Variants in MGAT4A observed in about 807,000 individuals in gnomAD.
MGAT4A encodes alpha-1,3-mannosyl-glycoprotein 4-beta-N-acetylglucosaminyltransferase A.
In MGAT4A, 33 loss-of-function variants were observed where a neutral mutation model predicts 74.1. The ratio of observed to expected loss-of-function variants is 0.45; its 90% CI spans 0.34 to 0.60. The LOEUF is 0.60. Among genes scored for constraint, MGAT4A ranks in the 20% least tolerant of loss-of-function variants. The probability of loss-of-function intolerance (pLI) is 0.02; values close to 1 mark genes in which losing one functional copy is unlikely to be tolerated. For synonymous variants in MGAT4A, 198 were observed against 210.4 expected (o/e 0.94, Z 0.51); for missense variants, 479 against 628.3 (o/e 0.76, Z 2.54).
At chr2:98,636,453 A>G in intron 13 of MGAT4A, 64 bp downstream of exon 13, 1 of 1,213,210 alleles carries the variant, frequency 8.2e-7, no homozygotes, top group Non-Finnish European at 1.2e-6. Flanking sequence ...AAACAAGAAA[A>G]GCTTCAAGCT....
At chr2:98,632,413 C>A (rs539105536) in intron 14 of MGAT4A, among the ~76,000 whole-genome samples, 1 of 152,224 alleles carries the variant, frequency 6.6e-6, no homozygotes, top group Non-Finnish European at 1.5e-5. Flanking sequence ...AGCTTGTTTG[C>A]ACGCCAAGAG....
chr2:98,681,829 CT>C (rs1702064513), intron 2 of MGAT4A, among the ~76,000 whole-genome samples: 1 of 152,038 alleles, frequency 6.6e-6, no homozygotes, highest in Non-Finnish European at 1.5e-5. Flanking sequence ...AGAGAAATAA[CT>C]TTAAGATAAA....
chr2:98,625,862 G>A, intron 14 of MGAT4A, 27 bp from the exon 15 acceptor site: 1 of 1,504,916 alleles, frequency 6.6e-7, no homozygotes, highest in African/African-American at 1.4e-5. Context: ...AATACTTGTT[G>A]GATACACCGA....
intron 14 of MGAT4A, among the ~76,000 whole-genome samples, chr2:98,631,554 C>T (rs1240454912): frequency 6.6e-6 from 1 of 152,258 alleles, no homozygotes; most frequent in Non-Finnish European, 1.5e-5. Context: ...GGGAAGGAAG[C>T]ACACGGGCGG....
At chr2:98,710,506 C>CTGGA (rs1439734079) in intron 2 of MGAT4A, among the ~76,000 whole-genome samples, 1 of 152,154 alleles carries the variant, frequency 6.6e-6, no homozygotes, top group Non-Finnish European at 1.5e-5. Flanking sequence ...ATCACCTAGG[C>CTGGA]TGGAGTGCAG....
At chr2:98,629,514 A>G (rs1701196243) in intron 14 of MGAT4A, among the ~76,000 whole-genome samples, 1 of 152,204 alleles carries the variant, frequency 6.6e-6, no homozygotes, top group Admixed American at 6.5e-5. Flanking sequence ...GTGACATTGA[A>G]TACTGTCACC....
In MGAT4A at chr2:98,731,111, TGCC is replaced by T. The variant is rs1231399189; in HGVS notation, c.-302_-300del. 1 of 68,060 alleles carries T rather than the reference TGCC, an allele frequency of 1.5e-5. No individual in the cohort carries two copies. The highest frequency in any genetic ancestry group is 4.8e-4 in the South Asian group (1 of 2,074). 4.2% of individuals were successfully genotyped at this position (68,060 alleles called of 1,614,324 possible). A position where few individuals can be genotyped will look rare whatever the true frequency, so the allele number is the denominator to read the frequency against. On this transcript the variant is annotated 5_prime_UTR_variant, in exon 1 of 16. Coordinates refer to ENST00000393487, the MANE Select transcript of MGAT4A (RefSeq NM_012214.3). This position sits in a 1 kb window ranked among gnomAD's most constrained non-coding sequence, Gnocchi z 4.8. Reference sequence around the variant, plus strand: ...GAGCTGCTGTAGCCGCCGCCGCCGCTGCCGCCGCCGCTGCGGGCCGCCCCGCCC... The same window carrying T: ...GAGCTGCTGTAGCCGCCGCCGCCGCTGCCGCCGCTGCGGGCCGCCCCGCCC...
intron 4 of MGAT4A, among the ~76,000 whole-genome samples, chr2:98,666,167 G>A (rs1701827106): frequency 6.6e-6 from 1 of 152,190 alleles, no homozygotes; most frequent in Non-Finnish European, 1.5e-5. Context: ...TGTTTGAAGA[G>A]GTGGAGATGA....
rs763038000 is a variant in MGAT4A at position 98,625,475 on chromosome 2, T to TC, written c.*90_*91insG. The stretch of plus-strand genomic sequence containing the variant: ...TATCTACAGTAGACTTCACAAGAGG[T>TC]AGTGTTCAAGTAGAAATAAAAAAAA... On this transcript the variant is annotated 3_prime_UTR_variant, in exon 16 of 16. Coordinates refer to ENST00000393487, the MANE Select transcript of MGAT4A (RefSeq NM_012214.3). 3.8e-5 allele frequency: 59 copies of TC among 1,565,406 alleles called. No individual in the cohort carries two copies. Among genetic ancestry groups the TC allele is most frequent in the Non-Finnish European group, 4.6e-5 (54 of 1,161,666 alleles).
chr2:98,703,134 G>A (rs945657417), intron 2 of MGAT4A, among the ~76,000 whole-genome samples: 3 of 152,148 alleles, frequency 2.0e-5, no homozygotes, highest in Admixed American at 6.5e-5. Context: ...AAGAACTAAT[G>A]AAGCCAAGTT....
intron 4 of MGAT4A, among the ~76,000 whole-genome samples, chr2:98,665,634 G>A (rs1162039177): frequency 3.3e-5 from 5 of 152,238 alleles, no homozygotes; most frequent in Non-Finnish European, 7.3e-5. Flanking sequence ...ACATAGGTAA[G>A]GTCCCTGCCC....
chr2:98,714,480 G>C (rs1702564980), intron 2 of MGAT4A, among the ~76,000 whole-genome samples: 1 of 152,214 alleles, frequency 6.6e-6, no homozygotes, highest in Non-Finnish European at 1.5e-5. Flanking sequence ...AAATCCAAGG[G>C]ATCACTAGGA....
At chr2:98,682,149 G>A (rs1702068324) in intron 2 of MGAT4A, among the ~76,000 whole-genome samples, 1 of 152,302 alleles carries the variant, frequency 6.6e-6, no homozygotes, top group Non-Finnish European at 1.5e-5. Context: ...TGGGCCAGGT[G>A]CGGTGGCTCA....
intron 2 of MGAT4A, among the ~76,000 whole-genome samples, chr2:98,713,450 TA>T (rs796083746): frequency 0.015 from 1,891 of 126,770 alleles, 33 homozygotes; most frequent in African/African-American, 0.045. Context: ...AATCTAATCT[TA>T]AAAAAAAAAA....
At chr2:98,641,630 C>T (rs1303859636) in intron 10 of MGAT4A, among the ~76,000 whole-genome samples, 1 of 149,390 alleles carries the variant, frequency 6.7e-6, no homozygotes, top group Non-Finnish European at 1.5e-5. Flanking sequence ...GAGCCGAGAT[C>T]GCGCCACTGC....
chr2:98,719,870 C>G (rs1407146508), intron 2 of MGAT4A, among the ~76,000 whole-genome samples: 3 of 152,122 alleles, frequency 2.0e-5, no homozygotes, highest in African/African-American at 7.2e-5. Flanking sequence ...TGGTCTCGAA[C>G]TCCTGACCTC....
intron 4 of MGAT4A, among the ~76,000 whole-genome samples, chr2:98,671,266 G>A (rs56371690): frequency 0.22 from 33,084 of 152,148 alleles, 4,399 homozygotes; most frequent in Non-Finnish European, 0.3. Flanking sequence ...GTGGATCACT[G>A]AAACGGCCTA....
chr2:98,642,326 G>A (rs1168115509), intron 10 of MGAT4A, among the ~76,000 whole-genome samples: 1 of 152,178 alleles, frequency 6.6e-6, no homozygotes, highest in East Asian at 1.9e-4. Flanking sequence ...CAAGCACGCT[G>A]ATAACCCTTT....
At chr2:98,655,571 T>A in intron 7 of MGAT4A, 51 bp from the exon 8 acceptor site, 1 of 1,248,932 alleles carries the variant, frequency 8.0e-7, no homozygotes, top group Non-Finnish European at 1.2e-6. Flanking sequence ...TCAAATTTAG[T>A]AAAATAAGAT....
Sources: allele counts gnomAD v4.1 joint callset (sites outside exome capture counted in the v4.1 genomes callset), GRCh38; gene constraint gnomAD v4.1.1; non-coding constraint Gnocchi (gnomAD v3.1); transcripts MANE v1.5; gene names NCBI Gene and HGNC (gene_info 2026-07-23, HGNC 2026-07-21).